The following GNAT3 variants were observed in gnomAD, a reference collection of about 807,000 sequenced individuals.
The protein encoded by GNAT3 is G protein subunit alpha transducin 3, also known as guanine nucleotide-binding protein G(t) subunit alpha-3.
GNAT3 carries 31 observed loss-of-function variants against 37.7 expected under a neutral mutation model. The observed-to-expected ratio is 0.82, with a 90% CI of 0.62 to 1.11. GNAT3 has a LOEUF of 1.11. Among genes scored for constraint, GNAT3 ranks in the 50% most tolerant of loss-of-function variants. GNAT3 has a pLI of 0.00. For missense variants in GNAT3, 437 were observed against 412.5 expected (o/e 1.06, Z -0.51); for synonymous variants, 138 against 139.8 (o/e 0.99, Z 0.09).
At chr7:80,484,478 TAG>T (rs1790443599) in intron 3 of GNAT3, among the ~76,000 whole-genome samples, 1 of 152,112 alleles carries the variant, frequency 6.6e-6, no homozygotes, top group South Asian at 2.1e-4. Context: ...GTTCATATTG[TAG>T]AGTTTACTTT....
At chr7:80,508,687 G>T (rs1790998357) in intron 1 of GNAT3, among the ~76,000 whole-genome samples, 1 of 151,932 alleles carries the variant, frequency 6.6e-6, no homozygotes, top group South Asian at 2.1e-4. Context: ...TTTACTGAAG[G>T]TCTGAAAGGT....
chr7:80,483,290 A>G (rs1035035457), intron 3 of GNAT3, among the ~76,000 whole-genome samples: 1 of 152,068 alleles, frequency 6.6e-6, no homozygotes, highest in Non-Finnish European at 1.5e-5. Context: ...GTGTATTTCC[A>G]TTCTTGATGT....
In GNAT3 at chr7:80,458,806, C is replaced by T. The variant is rs376788006; in HGVS notation, c.930G>A (p.Leu310=). The T allele has an allele frequency of 1.9e-6, 3 of 1,595,922 alleles. No homozygotes were observed. The African/African-American group carries it at 4.0e-5, about 21-fold the overall frequency. The change falls in exon 8 of 8, where the codon CTG becomes CTA. Residue 310 remains leucine (L), a synonymous_variant. Transcript: ENST00000398291. ...GNYIKNQFLD[L]NLKKEDKEIY... ...TTTCCTTATCTTCTTTTTTTAAATT[C>T]AGGTCTAGAAACTGGTTCTTGATGT...
intron 1 of GNAT3, among the ~76,000 whole-genome samples, chr7:80,507,235 T>G (rs1261690713): frequency 6.6e-6 from 1 of 151,942 alleles, no homozygotes; most frequent in Non-Finnish European, 1.5e-5. Context: ...CAAAATAGTG[T>G]TTCTTAGAGT....
chr7:80,496,114 T>A (rs1790711220), intron 1 of GNAT3, among the ~76,000 whole-genome samples: 1 of 152,174 alleles, frequency 6.6e-6, no homozygotes, highest in African/African-American at 2.4e-5. Context: ...ACAAATTCTT[T>A]GCCTAGGCCA....
chr7:80,480,404 C>A (rs188688017), intron 3 of GNAT3, among the ~76,000 whole-genome samples: 1 of 151,904 alleles, frequency 6.6e-6, no homozygotes, highest in Non-Finnish European at 1.5e-5. Context: ...CAAATACAAG[C>A]GCATTTTGTG....
At chr7:80,465,465 C>T (rs1790115100) in intron 5 of GNAT3, among the ~76,000 whole-genome samples, 1 of 152,006 alleles carries the variant, frequency 6.6e-6, no homozygotes, top group Admixed American at 6.6e-5. Flanking sequence ...TCAGAGGGAC[C>T]CTTAAGCAAA....
At chr7:80,478,745 TTCC>T in intron 4 of GNAT3, 93 bp downstream of exon 4, 1 of 1,190,704 alleles carries the variant, frequency 8.4e-7, no homozygotes. Flanking sequence ...ACCATTTATT[TTCC>T]TCATTTGAAT....
At chr7:80,487,057 G>A (rs922991740) in intron 3 of GNAT3, among the ~76,000 whole-genome samples, 2 of 152,032 alleles carry the variant, frequency 1.3e-5, no homozygotes, top group African/African-American at 4.8e-5. Flanking sequence ...GCACTATAAT[G>A]GAATCCAGGA....
At chr7:80,470,773 T>A (rs994299557) in intron 5 of GNAT3, among the ~76,000 whole-genome samples, 2 of 152,110 alleles carry the variant, frequency 1.3e-5, no homozygotes, top group African/African-American at 4.8e-5. Context: ...AGGTCTAAAC[T>A]GAAGAGTCCT....
intron 1 of GNAT3, among the ~76,000 whole-genome samples, chr7:80,503,832 G>C (rs922023900): frequency 6.6e-6 from 1 of 152,180 alleles, no homozygotes; most frequent in Admixed American, 6.5e-5. Context: ...AAGAATTTTA[G>C]AGTCATATCA....
intron 1 of GNAT3, among the ~76,000 whole-genome samples, chr7:80,506,655 A>G (rs1790947082): frequency 6.6e-6 from 1 of 152,118 alleles, no homozygotes; most frequent in South Asian, 2.1e-4. Flanking sequence ...TTTCCACTTC[A>G]CTGAGAAGCA....
rs1357809447 is a variant in GNAT3 at position 80,462,101 on chromosome 7, G to C, written c.874+58C>G. 3.7e-6 allele frequency: 4 copies of C among 1,086,152 alleles called. No homozygotes were observed. In the African/African-American group the frequency reaches 6.4e-5, roughly 17 times the overall value. The allele number at this position is 1,086,152 out of a possible 1,614,324, so 67.3% of individuals were successfully genotyped here. A position where few individuals can be genotyped will look rare whatever the true frequency, so the allele number is the denominator to read the frequency against. ...AGTATTAAATGTCAAGATCCAGATA[G>C]GAAATATATATTTATACAAAAATTT... is the stretch of plus-strand genomic sequence containing the variant. On this transcript the variant is annotated intron_variant, in intron 7 of 7. Transcript: ENST00000398291.
rs1395520405 is a variant in GNAT3, at chr7:80,462,598, T to A, written c.624A>T (p.Arg208Ser). The A allele has an allele frequency of 6.2e-7, 1 of 1,612,044 alleles. No homozygotes were observed. The highest frequency in any genetic ancestry group is 2.2e-5 in the East Asian group (1 of 44,850). ...MFDVGGQRSE[R>S]KKWIHCFEGV... ...CTTCAAAGCAGTGAATCCACTTCTT[T>A]CTCTCAGATCTCTGTCCACCTACAT... The change falls in exon 6 of 8, where the codon AGA becomes AGT. Residue 208 changes from arginine (R) to serine (S), a missense_variant. Coordinates refer to ENST00000398291, the MANE Select transcript of GNAT3 (RefSeq NM_001102386.3).
In GNAT3 at chr7:80,488,627, C is replaced by T; in HGVS notation, c.211G>A (p.Ala71Thr). The T allele has an allele frequency of 6.3e-7, 1 of 1,589,322 alleles. No homozygotes were observed. Among genetic ancestry groups the T allele is most frequent in the Non-Finnish European group, 8.6e-7 (1 of 1,165,162 alleles). ...TGCAATGTATTACTGTAAATTACTG[C>T]TTTGAACTCCATGCATTCTTGCTCA... ...YSEQECMEFK[A>T]VIYSNTLQSI... Residue 71 changes from alanine to threonine, a missense_variant, in exon 3 of 8, where the codon GCA (alanine) becomes ACA (threonine). Coordinates refer to ENST00000398291, the MANE Select transcript of GNAT3 (RefSeq NM_001102386.3).
chr7:80,459,908 C>T (rs551913601), intron 7 of GNAT3, among the ~76,000 whole-genome samples: 2 of 152,304 alleles, frequency 1.3e-5, no homozygotes, highest in African/African-American at 4.8e-5. Context: ...AGTGCAGTCA[C>T]TTTGAAAGGC....
intron 3 of GNAT3, among the ~76,000 whole-genome samples, 200 bp from the exon 4 acceptor site, chr7:80,479,198 C>A (rs148886603): frequency 6.6e-6 from 1 of 151,698 alleles, no homozygotes; most frequent in East Asian, 1.9e-4. Flanking sequence ...TTCTCCTTTG[C>A]AAAAACTATA....
intron 1 of GNAT3, among the ~76,000 whole-genome samples, chr7:80,504,438 A>G (rs1017041060): frequency 2.6e-5 from 4 of 152,242 alleles, no homozygotes; most frequent in African/African-American, 9.6e-5. Flanking sequence ...TTAATGAAAG[A>G]GACTAAACAG....
chr7:80,501,686 T>C (rs1346020561), intron 1 of GNAT3, among the ~76,000 whole-genome samples: 5 of 151,896 alleles, frequency 3.3e-5, no homozygotes, highest in Admixed American at 1.3e-4. Context: ...TTTGTTGACA[T>C]TGGCATTTTT....
Sources: allele counts gnomAD v4.1 joint callset (sites outside exome capture counted in the v4.1 genomes callset), GRCh38; gene constraint gnomAD v4.1.1; transcripts MANE v1.5; gene names NCBI Gene and HGNC (gene_info 2026-07-23, HGNC 2026-07-21).